TPST1: variants seen among roughly 807,000 people sequenced by gnomAD.
The protein encoded by TPST1 is protein-tyrosine sulfotransferase 1.
A neutral mutation model predicts 34.8 loss-of-function variants in TPST1; 20 were observed. The observed-to-expected ratio is 0.57, with a 90% confidence interval of 0.40 to 0.84. TPST1 has a LOEUF of 0.84. Ranked by LOEUF, TPST1 falls within the 40% of genes least tolerant of loss-of-function variation. The pLI, the probability that TPST1 is intolerant of heterozygous loss-of-function variation, is 0.00. For missense variants in TPST1, 353 were observed against 455.5 expected, an observed-to-expected ratio of 0.78 and a Z score of 2.05; for synonymous variants, 152 against 159.4, an observed-to-expected ratio of 0.95 and a Z score of 0.35.
At chr7:66,329,095 T>G (rs1791944993) in intron 3 of TPST1, among the ~76,000 whole-genome samples, 3 of 150,834 alleles carry the variant, frequency 2.0e-5, no homozygotes, top group African/African-American at 7.3e-5. Context: ...TATTTTTTTG[T>G]AGAGACGAGG....
chr7:66,317,229 A>G (rs1333592153), intron 3 of TPST1, among the ~76,000 whole-genome samples: 4 of 152,048 alleles, frequency 2.6e-5, no homozygotes, highest in Non-Finnish European at 5.9e-5. Flanking sequence ...TGGTCCTAAT[A>G]TTACTGATTT....
upstream of TPST1, among the ~76,000 whole-genome samples, chr7:66,204,366 C>T (rs1562791018): frequency 6.6e-6 from 1 of 152,202 alleles, no homozygotes; most frequent in Non-Finnish European, 1.5e-5. Context: ...CAGGCGTCCG[C>T]CACCATGCCC....
chr7:66,227,027 G>GTTTTTTTTTTTTT (rs1390977469), intron 1 of TPST1, among the ~76,000 whole-genome samples: 2 of 46,030 alleles, frequency 4.3e-5, no homozygotes, highest in African/African-American at 2.2e-4. Context: ...CTTAAAATAA[G>GTTTTTTTTTTTTT]CTTTTTTTTT....
At chr7:66,328,991 A>G (rs1025101919) in intron 3 of TPST1, among the ~76,000 whole-genome samples, 8 of 138,406 alleles carry the variant, frequency 5.8e-5, no homozygotes, top group African/African-American at 2.2e-4. Context: ...AGCTCACTGC[A>G]GCCTCAACCC....
intron 2 of TPST1, among the ~76,000 whole-genome samples, chr7:66,255,522 C>T (rs1467409311): frequency 6.6e-6 from 1 of 152,160 alleles, no homozygotes; most frequent in African/African-American, 2.4e-5. Context: ...CCCCCAACTT[C>T]TGCTGAATTA....
At chr7:66,214,467 G>A (rs1789346386) in intron 1 of TPST1, among the ~76,000 whole-genome samples, 1 of 151,116 alleles carries the variant, frequency 6.6e-6, no homozygotes, top group Non-Finnish European at 1.5e-5. Flanking sequence ...TAGTGTTTTT[G>A]GTTTCAAAAT....
At chr7:66,302,520 T>C (rs907018671) in intron 3 of TPST1, among the ~76,000 whole-genome samples, 11 of 152,302 alleles carry the variant, frequency 7.2e-5, no homozygotes, top group Middle Eastern at 3.4e-3. Flanking sequence ...GTTTTTACAC[T>C]TGGGACTCTT....
At chr7:66,260,064 T>C (rs79087681) in intron 2 of TPST1, among the ~76,000 whole-genome samples, 4,609 of 152,308 alleles carry the variant, frequency 0.03, 99 homozygotes, top group Non-Finnish European at 0.051. Flanking sequence ...CTTTACTCCA[T>C]GTCGTCTCAT....
At chr7:66,353,018 G>A (rs141422133) in intron 4 of TPST1, 1 of 984,654 alleles carries the variant, frequency 1.0e-6, no homozygotes, top group African/African-American at 1.7e-5. Flanking sequence ...AGGACAGTGA[G>A]AGTTTGAAGG....
At chr7:66,327,867 A>T (rs1317659186) in intron 3 of TPST1, among the ~76,000 whole-genome samples, 1 of 152,022 alleles carries the variant, frequency 6.6e-6, no homozygotes. Flanking sequence ...GATGGTCTAA[A>T]GATCTATTTT....
At chr7:66,299,017 T>C (rs1208953170) in intron 3 of TPST1, among the ~76,000 whole-genome samples, 2 of 151,950 alleles carry the variant, frequency 1.3e-5, no homozygotes, top group Non-Finnish European at 2.9e-5. Flanking sequence ...TCCCAGCTAC[T>C]TGGGAGGCTG....
chr7:66,232,099 T>G (rs1409777004), intron 1 of TPST1, among the ~76,000 whole-genome samples: 1 of 152,178 alleles, frequency 6.6e-6, no homozygotes, highest in African/African-American at 2.4e-5. Context: ...TGAACATAGG[T>G]GTACAAATTC....
chr7:66,336,246 C>T (rs1792117816), intron 3 of TPST1, among the ~76,000 whole-genome samples: 2 of 151,388 alleles, frequency 1.3e-5, no homozygotes, highest in South Asian at 2.1e-4. Flanking sequence ...GGAGGCGGAG[C>T]TTGCAGTGAG....
At chr7:66,314,253 G>A (rs1315029972) in intron 3 of TPST1, among the ~76,000 whole-genome samples, 2 of 152,196 alleles carry the variant, frequency 1.3e-5, no homozygotes, top group Non-Finnish European at 2.9e-5. Context: ...AACAATCAGT[G>A]GTCGGGCACT....
chr7:66,203,568 C>T (rs1351846347), upstream of TPST1, among the ~76,000 whole-genome samples: 2 of 151,770 alleles, frequency 1.3e-5, no homozygotes, highest in East Asian at 1.9e-4. Flanking sequence ...TCACTGCAAC[C>T]TCCACCTCCC....
chr7:66,245,746 G>A (rs1484446634), intron 2 of TPST1, among the ~76,000 whole-genome samples: 1 of 152,180 alleles, frequency 6.6e-6, no homozygotes. Context: ...AATATTTTGA[G>A]CAAGTGAAGA....
intron 2 of TPST1, among the ~76,000 whole-genome samples, chr7:66,282,962 T>C (rs767818811): frequency 7.9e-5 from 12 of 152,310 alleles, no homozygotes; most frequent in Non-Finnish European, 1.3e-4. Flanking sequence ...CTCTCCTCAC[T>C]TGCTATTCTC....
At chr7:66,262,346 T>C (rs1177470185) in intron 2 of TPST1, among the ~76,000 whole-genome samples, 5 of 152,156 alleles carry the variant, frequency 3.3e-5, no homozygotes, top group East Asian at 1.9e-4. Context: ...TCTTCTTTCA[T>C]TGGGCATACA....
intron 1 of TPST1, among the ~76,000 whole-genome samples, chr7:66,227,678 G>A (rs893565245): frequency 1.6e-4 from 25 of 151,934 alleles, no homozygotes; most frequent in African/African-American, 5.8e-4. Flanking sequence ...GGTAGTGGAT[G>A]TGTTGAGAAG....
Sources: gnomAD v4.1 joint callset for allele counts (sites outside exome capture counted in the v4.1 genomes callset) on GRCh38, gnomAD v4.1.1 for gene constraint, MANE v1.5 for transcripts, NCBI Gene and HGNC (gene_info 2026-07-23, HGNC 2026-07-21) for gene names.